ASCC2: variants seen among roughly 807,000 people sequenced by gnomAD.
The protein encoded by ASCC2 is ASC-1 complex subunit P100.
Under a neutral mutation model 93.5 loss-of-function variants are expected in ASCC2, and 42 were observed. That is an observed-to-expected ratio of 0.45 (90% confidence interval 0.35 to 0.58). The LOEUF (loss-of-function observed/expected upper bound fraction) is 0.58, where lower values mean the gene tolerates loss of function less well. Ranked by LOEUF, ASCC2 falls within the 20% of genes least tolerant of loss-of-function variation. The pLI, the probability that ASCC2 is intolerant of heterozygous loss-of-function variation, is 0.00. For missense variants in ASCC2, 859 were observed against 977.6 expected, an observed-to-expected ratio of 0.88 and a Z score of 1.62; for synonymous variants, 364 against 384.2, an observed-to-expected ratio of 0.95 and a Z score of 0.62.
At chr22:29,809,115 C>CT in intron 8 of ASCC2, among the ~76,000 whole-genome samples, 1 of 120,086 alleles carries the variant, frequency 8.3e-6, no homozygotes, top group East Asian at 2.6e-4. Flanking sequence ...GAGTGAGACT[C>CT]TGTCTCAAAA....
At chr22:29,795,705 T>C (rs2058347340) in intron 15 of ASCC2, among the ~76,000 whole-genome samples, 1 of 152,120 alleles carries the variant, frequency 6.6e-6, no homozygotes, top group South Asian at 2.1e-4. Flanking sequence ...AGGAACATGT[T>C]TGGGTCACAA....
intron 1 of ASCC2, among the ~76,000 whole-genome samples, chr22:29,835,000 A>G (rs987477560): frequency 6.6e-6 from 1 of 152,126 alleles, no homozygotes; most frequent in Non-Finnish European, 1.5e-5. Context: ...TGGGTGTGAG[A>G]CACAGGGTGG....
intron 2 of ASCC2, among the ~76,000 whole-genome samples, chr22:29,827,036 T>G (rs2062433847): frequency 7.2e-6 from 1 of 139,244 alleles, no homozygotes; most frequent in African/African-American, 2.8e-5. Flanking sequence ...AGGCAGAGCT[T>G]GCAGTGAACC....
rs200626984 is a variant in ASCC2, at chr22:29,825,736, C to T, written c.126G>A (p.Pro42=). ...KADRYFVLYK[P]PPKDNIPALV... is the part of the protein sequence containing the mutation. Reference sequence around the variant, plus strand: ...GGGCGGGAATGTTGTCTTTAGGGGGCGGTTTGTATAACACAAAATACCGGT... The same window carrying T: ...GGGCGGGAATGTTGTCTTTAGGGGGTGGTTTGTATAACACAAAATACCGGT... The change falls in exon 3 of 20, where the codon CCG becomes CCA. Residue 42 remains proline, a synonymous_variant. Transcript: ENST00000307790. This position sits in a 1 kb window ranked among gnomAD's most constrained non-coding sequence, Gnocchi z 4.9. The T allele has an allele frequency of 9.9e-6, 16 of 1,614,044 alleles. No homozygotes were observed. Among genetic ancestry groups the T allele is most frequent in the East Asian group, 4.5e-5 (2 of 44,876 alleles).
intron 12 of ASCC2, 66 bp downstream of exon 12, chr22:29,806,150 C>G: frequency 6.5e-7 from 1 of 1,542,242 alleles, no homozygotes. Context: ...TGGGTTCCAG[C>G]AGCCTGTCTC....
chr22:29,829,625 G>A (rs1468243251), intron 2 of ASCC2, among the ~76,000 whole-genome samples: 1 of 151,994 alleles, frequency 6.6e-6, no homozygotes, highest in Non-Finnish European at 1.5e-5. Context: ...CTTGAACCCG[G>A]GAGGCGGAGG....
At chr22:29,836,685 C>T (rs937363690) in intron 1 of ASCC2, among the ~76,000 whole-genome samples, 1 of 152,156 alleles carries the variant, frequency 6.6e-6, no homozygotes, top group Non-Finnish European at 1.5e-5. Context: ...CTCAGCCTCC[C>T]GAGTAGCTGG....
chr22:29,798,965 C>T (rs1156637890), intron 15 of ASCC2, among the ~76,000 whole-genome samples: 1 of 152,258 alleles, frequency 6.6e-6, no homozygotes, highest in Non-Finnish European at 1.5e-5. Context: ...GCGTGCCAGC[C>T]CAGAGGGCCC....
In ASCC2 at chr22:29,788,858, T is replaced by G; in HGVS notation, c.*155A>C. The G allele has an allele frequency of 1.2e-6, 1 of 866,230 alleles. No individual in the cohort carries two copies. The highest frequency in any genetic ancestry group is 1.8e-6 in the Non-Finnish European group (1 of 554,686). 53.7% of individuals were successfully genotyped at this position (866,230 alleles called of 1,614,324 possible). ...CTGCAGGAAGGCGCTCATGGCTGGCTGGTAGATGAGAGGCGGCCTTCTCAG... is the reference window on the plus strand; with the variant it reads ...CTGCAGGAAGGCGCTCATGGCTGGCGGGTAGATGAGAGGCGGCCTTCTCAG... On this transcript the variant is annotated 3_prime_UTR_variant, in exon 20 of 20. Coordinates refer to ENST00000307790, the MANE Select transcript of ASCC2 (RefSeq NM_032204.5).
chr22:29,807,574 T>C (rs2059820146), intron 9 of ASCC2, among the ~76,000 whole-genome samples: 1 of 152,152 alleles, frequency 6.6e-6, no homozygotes, highest in Non-Finnish European at 1.5e-5. Context: ...GGACTTTGGG[T>C]CAAGTCTCCT....
intron 2 of ASCC2, among the ~76,000 whole-genome samples, chr22:29,828,228 G>A (rs1422036424): frequency 6.6e-6 from 1 of 152,156 alleles, no homozygotes; most frequent in Non-Finnish European, 1.5e-5. Context: ...GCATAAACAT[G>A]GGTCATAACA....
At chr22:29,810,413 T>C (rs1428039339) in intron 8 of ASCC2, 1 of 152,224 alleles carries the variant, frequency 6.6e-6, no homozygotes, top group East Asian at 1.9e-4. Context: ...AGTTGGCTGG[T>C]TTCTGGCAAT....
At position 29,819,161 on chromosome 22, in the gene ASCC2, C is replaced by G. The variant is rs926665147; in HGVS notation, c.542-3088G>C. On this transcript the variant is annotated intron_variant, in intron 5 of 19. Transcript: ENST00000307790. ...ACTCTACTCATGCTATCTCAACAAC[C>G]CAATTTGTTTTTTTTTGAGGCAGAG... Among the ~76,000 whole-genome samples the G allele has an allele frequency of 2.0e-5, 3 of 152,166 alleles. No individual in the cohort carries two copies. In the East Asian group the frequency reaches 5.8e-4, roughly 29 times the overall value.
intron 5 of ASCC2, among the ~76,000 whole-genome samples, chr22:29,820,549 T>G (rs1162694283): frequency 6.6e-6 from 1 of 152,134 alleles, no homozygotes; most frequent in Admixed American, 6.5e-5. Flanking sequence ...AATGGTTGTT[T>G]CTTGTAGAAA....
chr22:29,827,830 CAT>C (rs1180268214), intron 2 of ASCC2, among the ~76,000 whole-genome samples: 5 of 131,206 alleles, frequency 3.8e-5, no homozygotes, highest in African/African-American at 6.0e-5. Flanking sequence ...CACACACACA[CAT>C]ACACCCAGAC....
intron 15 of ASCC2, among the ~76,000 whole-genome samples, chr22:29,799,996 C>A (rs2058893613): frequency 6.6e-6 from 1 of 152,218 alleles, no homozygotes; most frequent in South Asian, 2.1e-4. Context: ...CTATGTTGCC[C>A]AGGCTGGTCT....
intron 9 of ASCC2, 49 bp downstream of exon 9, chr22:29,808,062 C>T (rs745490881): frequency 1.9e-6 from 3 of 1,590,538 alleles, no homozygotes; most frequent in Admixed American, 1.7e-5. Flanking sequence ...GGGCCCTGCT[C>T]GGGCCTCTCT....
chr22:29,793,295 G>T, intron 17 of ASCC2, 65 bp downstream of exon 17: 1 of 1,598,728 alleles, frequency 6.3e-7, no homozygotes. Context: ...AAACAAGTGG[G>T]TGAGGGAGCC....
chr22:29,815,112 T>C (rs998988897), intron 6 of ASCC2: 4 of 227,200 alleles, frequency 1.8e-5, no homozygotes, highest in Non-Finnish European at 3.5e-5. Flanking sequence ...CTGGGCAACA[T>C]GGTGAGACCC....
Sources: gnomAD v4.1 joint callset for allele counts (sites outside exome capture counted in the v4.1 genomes callset) on GRCh38, gnomAD v4.1.1 for gene constraint, Gnocchi (gnomAD v3.1) non-coding constraint, MANE v1.5 for transcripts, NCBI Gene and HGNC (gene_info 2026-07-23, HGNC 2026-07-21) for gene names.